IL1RAPL1: variants seen among roughly 807,000 people sequenced by gnomAD.
IL1RAPL1 encodes interleukin 1 receptor accessory protein like 1.
IL1RAPL1 carries 3 observed loss-of-function variants against 48.4 expected under a neutral mutation model. That is an observed-to-expected ratio of 0.06 (90% CI 0.03 to 0.16). IL1RAPL1 has a LOEUF of 0.16. Among genes scored for constraint, IL1RAPL1 ranks in the 10% least tolerant of loss-of-function variants. The probability of loss-of-function intolerance (pLI) is 1.00; values close to 1 mark genes in which losing one functional copy is unlikely to be tolerated. For synonymous variants in IL1RAPL1, 185 were observed against 187.7 expected (o/e 0.99, Z 0.12); for missense variants, 349 against 530.6 (o/e 0.66, Z 3.36).
chrX:29,766,451 C>G (rs1339226352), intron 6 of IL1RAPL1, among the ~76,000 whole-genome samples: 1 of 80,723 alleles, frequency 1.2e-5, no homozygotes, highest in African/African-American at 4.8e-5. Context: ...ATTTATATGT[C>G]CAAATATATA....
chrX:29,204,901 C>G (rs1930632560), intron 2 of IL1RAPL1, among the ~76,000 whole-genome samples: 1 of 111,697 alleles, frequency 9.0e-6, no homozygotes, highest in African/African-American at 3.3e-5. Context: ...TCATCTCAAA[C>G]AGTCAGAGGA....
intron 2 of IL1RAPL1, among the ~76,000 whole-genome samples, chrX:29,159,901 G>A (rs1929648060): frequency 1.8e-5 from 2 of 111,219 alleles, no homozygotes; most frequent in East Asian, 2.8e-4. Flanking sequence ...AGGAGAGATG[G>A]GGTTTCTCCA....
chrX:29,324,905 A>G (rs1367968071), intron 3 of IL1RAPL1, among the ~76,000 whole-genome samples: 1 of 112,007 alleles, frequency 8.9e-6, no homozygotes, highest in Admixed American at 9.5e-5. Flanking sequence ...TTCACTAGTT[A>G]GAACCAAGCT....
At chrX:29,208,364 TA>T (rs1930703841) in intron 2 of IL1RAPL1, among the ~76,000 whole-genome samples, 1 of 111,640 alleles carries the variant, frequency 9.0e-6, no homozygotes, top group Non-Finnish European at 1.9e-5. Flanking sequence ...GTACTGGGCC[TA>T]AAGAGCCAGA....
At chrX:29,106,557 A>G (rs898767885) in intron 2 of IL1RAPL1, among the ~76,000 whole-genome samples, 4 of 111,884 alleles carry the variant, frequency 3.6e-5, no homozygotes, top group African/African-American at 9.7e-5. Context: ...ACATCATACA[A>G]TGTGATTCAA....
At chrX:29,430,055 G>T (rs1250936441) in intron 5 of IL1RAPL1, among the ~76,000 whole-genome samples, 3 of 108,484 alleles carry the variant, frequency 2.8e-5, no homozygotes, top group African/African-American at 1.0e-4. Flanking sequence ...ATGAGCCACT[G>T]CATACAGTCA....
chrX:29,954,825 G>A (rs1455714981), intron 10 of IL1RAPL1, 133 bp downstream of exon 10: 10 of 577,302 alleles, frequency 1.7e-5, no homozygotes, highest in East Asian at 3.4e-5. Context: ...AGAAAGAAAC[G>A]TCTTTGTGTG....
intron 2 of IL1RAPL1, among the ~76,000 whole-genome samples, chrX:29,012,515 G>C (rs1926147572): frequency 9.0e-6 from 1 of 111,660 alleles, no homozygotes; most frequent in Non-Finnish European, 1.9e-5. Context: ...TTGAACTCCA[G>C]CCTGGGCAAC....
rs1462248030 is a variant in IL1RAPL1 at position 29,424,314 on chromosome X, G to A, written c.703+25006G>A. 8.4e-4 allele frequency among the ~76,000 whole-genome samples: 64 copies of A among 76,561 alleles called. 1 individual carries two copies. Among genetic ancestry groups the A allele is most frequent in the Middle Eastern group, 6.1e-3 (1 of 164 alleles). The allele number at this position is 76,561 out of a possible 115,157, so 66.5% of individuals were successfully genotyped here. A position where few individuals can be genotyped will look rare whatever the true frequency, so the allele number is the denominator to read the frequency against. ...TCATAGGGAAGAGTAAACAAGGCTG[G>A]AAAGAAAAAAAAAAAAAGCAGATGT... On this transcript the variant is annotated intron_variant, in intron 5 of 10. Transcript: ENST00000378993.
rs1932357013 is a variant in IL1RAPL1, at chrX:29,290,718, C to T, written c.362+7501C>T. On this transcript the variant is annotated intron_variant, in intron 3 of 10. Coordinates refer to ENST00000378993, the MANE Select transcript of IL1RAPL1 (RefSeq NM_014271.4). The stretch of plus-strand genomic sequence containing the variant: ...GGTCACCTGTGGCTGGAGTCCACTG[C>T]AATACAGGGTTGGCTGAGCCTGTTT... Among the ~76,000 whole-genome samples the T allele has an allele frequency of 2.7e-5, 3 of 111,659 alleles. No homozygotes were observed. In the Admixed American group the frequency reaches 2.9e-4, roughly 11 times the overall value.
intron 6 of IL1RAPL1, among the ~76,000 whole-genome samples, chrX:29,674,269 T>A (rs769262513): frequency 9.0e-6 from 1 of 110,942 alleles, no homozygotes; most frequent in Non-Finnish European, 1.9e-5. Context: ...TCTACAAATA[T>A]ACAAAAATTA....
At chrX:28,883,809 T>G (rs755442152) in intron 2 of IL1RAPL1, among the ~76,000 whole-genome samples, 1 of 112,662 alleles carries the variant, frequency 8.9e-6, no homozygotes, top group Non-Finnish European at 1.9e-5. Flanking sequence ...AACTAATATG[T>G]GTATTTAATT....
intron 2 of IL1RAPL1, among the ~76,000 whole-genome samples, chrX:29,208,595 C>G (rs1180598486): frequency 9.2e-6 from 1 of 108,199 alleles, no homozygotes; most frequent in Non-Finnish European, 1.9e-5. Context: ...CCTGTAGTCC[C>G]AGCTACTCTG....
intron 1 of IL1RAPL1, among the ~76,000 whole-genome samples, chrX:28,644,121 A>T (rs185959959): frequency 2.1e-5 from 2 of 96,045 alleles, no homozygotes; most frequent in African/African-American, 8.3e-5. Flanking sequence ...CCTAAGTGTT[A>T]TATATATATA....
chrX:29,753,056 T>C (rs1928529625), intron 6 of IL1RAPL1, among the ~76,000 whole-genome samples: 1 of 111,958 alleles, frequency 8.9e-6, no homozygotes, highest in Admixed American at 9.5e-5. Context: ...TAGTAGAATA[T>C]ATTGATAAGT....
At chrX:29,502,911 G>T (rs895058329) in intron 5 of IL1RAPL1, among the ~76,000 whole-genome samples, 4 of 111,570 alleles carry the variant, frequency 3.6e-5, no homozygotes, top group Non-Finnish European at 5.7e-5. Context: ...GTAGAATTCA[G>T]CAGTAAAGCC....
At chrX:29,648,294 C>T (rs1015500042) in intron 5 of IL1RAPL1, among the ~76,000 whole-genome samples, 3 of 112,075 alleles carry the variant, frequency 2.7e-5, no homozygotes, top group African/African-American at 9.7e-5. Flanking sequence ...GTGGACCTAA[C>T]AGACATATAC....
chrX:29,153,134 G>A (rs1036141599), intron 2 of IL1RAPL1, among the ~76,000 whole-genome samples: 5 of 111,383 alleles, frequency 4.5e-5, no homozygotes, highest in Admixed American at 9.6e-5. Context: ...CTCTTCCATC[G>A]TCAAAGCTAG....
chrX:28,787,369 T>C lies in IL1RAPL1; in HGVS notation c.-24-1951T>C, dbSNP rs756656503. Among the ~76,000 whole-genome samples the C allele has an allele frequency of 2.7e-5, 3 of 111,458 alleles. No homozygotes were observed. The East Asian group carries it at 8.6e-4, about 32-fold the overall frequency. ...CTTGAAGATTTCCTGCAGCTCCAGT[T>C]AGTGTGGTGGCTGGGAAATGGTATT... On this transcript the variant is annotated intron_variant, in intron 1 of 10. Transcript: ENST00000378993.
Sources: allele counts gnomAD v4.1 joint callset (sites outside exome capture counted in the v4.1 genomes callset), GRCh38; gene constraint gnomAD v4.1.1; transcripts MANE v1.5; gene names NCBI Gene and HGNC (gene_info 2026-07-23, HGNC 2026-07-21).